The following FRMD6 variants were observed in gnomAD, a reference collection of about 807,000 sequenced individuals.
FRMD6 encodes the protein FERM domain-containing protein 6.
A neutral mutation model predicts 73.2 loss-of-function variants in FRMD6; 37 were observed. The ratio of observed to expected loss-of-function variants is 0.51; its 90% confidence interval spans 0.39 to 0.66. The LOEUF is 0.66. Ranked by LOEUF, FRMD6 falls within the 30% of genes least tolerant of loss-of-function variation. FRMD6 has a pLI of 0.00. For missense variants in FRMD6, 714 were observed against 780.5 expected, an observed-to-expected ratio of 0.91 and a Z score of 1.02; for synonymous variants, 273 against 282.2, an observed-to-expected ratio of 0.97 and a Z score of 0.33.
intron 1 of FRMD6, among the ~76,000 whole-genome samples, chr14:51,654,444 A>G (rs1046643998): frequency 6.6e-6 from 1 of 152,182 alleles, no homozygotes; most frequent in Non-Finnish European, 1.5e-5. Context: ...AGTTTCAAAC[A>G]TAATTGTTTT....
the FRMD6 span, among the ~76,000 whole-genome samples, chr14:51,408,512 C>G: frequency 6.6e-6 from 1 of 152,118 alleles, no homozygotes. Flanking sequence ...CTTCTGATCT[C>G]TCTTCCAGCT....
chr14:51,472,195 T>A, the FRMD6 span, among the ~76,000 whole-genome samples: 1 of 152,162 alleles, frequency 6.6e-6, no homozygotes. Context: ...CAATGAAGGT[T>A]AAAGAGCTAC....
chr14:51,680,807 C>T (rs1307176449), intron 1 of FRMD6, among the ~76,000 whole-genome samples: 4 of 151,932 alleles, frequency 2.6e-5, no homozygotes, highest in Non-Finnish European at 5.9e-5. Context: ...CCTGTCTTTT[C>T]CCTATTTAGA....
chr14:51,572,487 A>G (rs753397964), intron 2 of FRMD6, among the ~76,000 whole-genome samples: 5 of 152,232 alleles, frequency 3.3e-5, no homozygotes, highest in Non-Finnish European at 7.3e-5. Flanking sequence ...AGTTGCATCT[A>G]TGACATATTG....
chr14:51,609,110 A>G (rs1224367903), intron 2 of FRMD6, among the ~76,000 whole-genome samples: 1 of 152,080 alleles, frequency 6.6e-6, no homozygotes, highest in African/African-American at 2.4e-5. Flanking sequence ...AGTGGTTCTT[A>G]AAAGATGTAT....
At chr14:51,604,781 A>G (rs1208711110) in intron 2 of FRMD6, among the ~76,000 whole-genome samples, 1 of 151,976 alleles carries the variant, frequency 6.6e-6, no homozygotes, top group African/African-American at 2.4e-5. Flanking sequence ...CCAAGAGTTC[A>G]TTTTCCACCT....
At chr14:51,464,988 G>A in the FRMD6 span, among the ~76,000 whole-genome samples, 4 of 152,140 alleles carry the variant, frequency 2.6e-5, no homozygotes, top group East Asian at 1.9e-4. Context: ...GAATTATGAA[G>A]CTCATTCCCT....
At chr14:51,608,159 C>T (rs1890341404) in intron 2 of FRMD6, among the ~76,000 whole-genome samples, 1 of 152,226 alleles carries the variant, frequency 6.6e-6, no homozygotes, top group Admixed American at 6.5e-5. Flanking sequence ...AGCCTACGAG[C>T]TGTGATCTGC....
At chr14:51,429,934 A>G in the FRMD6 span, among the ~76,000 whole-genome samples, 1 of 152,104 alleles carries the variant, frequency 6.6e-6, no homozygotes, top group African/African-American at 2.4e-5. Flanking sequence ...ATTTATACCC[A>G]CCACCTTGGG....
In FRMD6 at chr14:51,522,294, A is replaced by G. The variant is rs17124086; in HGVS notation, c.-210+32874A>G. 8.5e-3 allele frequency among the ~76,000 whole-genome samples: 1,291 copies of G among 152,316 alleles called. 11 individuals carry two copies. The highest frequency in any genetic ancestry group is 0.03 in the African/African-American group (1,229 of 41,570). On this transcript the variant is annotated intron_variant, in intron 1 of 14. Transcript: ENST00000356218. ...TCTCAAAATTTTTGGGTTATGAATG[A>G]CATGTAAACAATATCATTTTTAGCT...
chr14:51,425,568 G>A, the FRMD6 span, among the ~76,000 whole-genome samples: 1 of 152,100 alleles, frequency 6.6e-6, no homozygotes, highest in Non-Finnish European at 1.5e-5. Context: ...CTCATATTCT[G>A]TTCTATCACT....
chr14:51,467,495 G>A, the FRMD6 span, among the ~76,000 whole-genome samples: 82 of 152,344 alleles, frequency 5.4e-4, no homozygotes, highest in African/African-American at 1.9e-3. Context: ...CCTCCCAGAC[G>A]GGGTAGCGGC....
Position 51,580,594 on chromosome 14 carries a change from G to A in FRMD6, c.-147+10184G>A, listed in dbSNP as rs572243606. Among the ~76,000 whole-genome samples the A allele has an allele frequency of 1.4e-4, 21 of 152,242 alleles. No homozygotes were observed. In the South Asian group the frequency reaches 4.3e-3, roughly 32 times the overall value. On this transcript the variant is annotated intron_variant, in intron 2 of 14. Transcript: ENST00000356218. Reference sequence around the variant, plus strand: ...TCAGAATCCTACCCAATATAGAATGGTTGAAAATAGGTACCCTTTGATTTT... The same window carrying A: ...TCAGAATCCTACCCAATATAGAATGATTGAAAATAGGTACCCTTTGATTTT...
chr14:51,524,394 A>G (rs757604964), intron 1 of FRMD6, among the ~76,000 whole-genome samples: 15 of 152,166 alleles, frequency 9.9e-5, no homozygotes, highest in Non-Finnish European at 1.8e-4. Context: ...TTTATTTTCT[A>G]GAAGGAATTA....
chr14:51,626,278 T>C (rs1362382285), intron 2 of FRMD6, among the ~76,000 whole-genome samples: 1 of 152,130 alleles, frequency 6.6e-6, no homozygotes, highest in East Asian at 1.9e-4. Context: ...ATGTCTTATT[T>C]TGGAGGGGTT....
At chr14:51,549,051 A>T (rs1596575439) in intron 1 of FRMD6, among the ~76,000 whole-genome samples, 1 of 152,224 alleles carries the variant, frequency 6.6e-6, no homozygotes, top group African/African-American at 2.4e-5. Flanking sequence ...TCCAGTTATG[A>T]TTGCCAGAAA....
chr14:51,521,556 A>G (rs1483133792), intron 1 of FRMD6, among the ~76,000 whole-genome samples: 1 of 152,074 alleles, frequency 6.6e-6, no homozygotes, highest in Non-Finnish European at 1.5e-5. Flanking sequence ...TAAAGAATGT[A>G]TAGCTCTAAA....
At chr14:51,690,984 T>G (rs1895524540) in intron 2 of FRMD6, among the ~76,000 whole-genome samples, 1 of 152,218 alleles carries the variant, frequency 6.6e-6, no homozygotes, top group East Asian at 1.9e-4. Context: ...TATAAAACAT[T>G]TCCAGCACCC....
the FRMD6 span, among the ~76,000 whole-genome samples, chr14:51,480,308 G>T: frequency 6.6e-6 from 1 of 152,120 alleles, no homozygotes; most frequent in African/African-American, 2.4e-5. Context: ...CTGAACAATT[G>T]AGGCTGAATA....
Sources: allele counts gnomAD v4.1 joint callset (sites outside exome capture counted in the v4.1 genomes callset), GRCh38; gene constraint gnomAD v4.1.1; transcripts MANE v1.5; gene names NCBI Gene and HGNC (gene_info 2026-07-23, HGNC 2026-07-21).